The following FAM227B variants were observed in gnomAD, a reference collection of about 807,000 sequenced individuals.
The protein encoded by FAM227B is family with sequence similarity 227 member B.
Under a neutral mutation model 73.8 loss-of-function variants are expected in FAM227B, and 88 were observed. The observed-to-expected ratio is 1.19, with a 90% CI of 1.00 to 1.42. The LOEUF is 1.42. Among genes scored for constraint, FAM227B ranks in the 40% most tolerant of loss-of-function variants. FAM227B has a pLI of 0.00. For missense variants in FAM227B, 632 were observed against 590.9 expected (o/e 1.07, Z -0.72); for synonymous variants, 210 against 190.5 (o/e 1.10, Z -0.84).
chr15:49,401,365 G>A (rs1186718104), intron 11 of FAM227B, among the ~76,000 whole-genome samples: 1 of 152,150 alleles, frequency 6.6e-6, no homozygotes, highest in Non-Finnish European at 1.5e-5. Context: ...GTGCTGGAGA[G>A]GATGTGGAGA....
intron 10 of FAM227B, among the ~76,000 whole-genome samples, chr15:49,515,739 C>T (rs1042648304): frequency 6.6e-5 from 10 of 152,080 alleles, no homozygotes; most frequent in African/African-American, 2.4e-4. Context: ...ACTATTATTC[C>T]AGAAGTGTTT....
intron 13 of FAM227B, chr15:49,366,642 G>A (rs1353538440): frequency 2.2e-5 from 35 of 1,574,368 alleles, no homozygotes; most frequent in Non-Finnish European, 3.0e-5. Flanking sequence ...AAGCCCCAGA[G>A]CAGGGCGGCC....
At chr15:49,619,935 A>G (rs1027661365) in intron 1 of FAM227B, among the ~76,000 whole-genome samples, 2 of 152,194 alleles carry the variant, frequency 1.3e-5, no homozygotes, top group Non-Finnish European at 2.9e-5. Context: ...TAAAAGCTCC[A>G]TAAAGCAGTA....
At chr15:49,477,678 A>T (rs767869550) in intron 11 of FAM227B, among the ~76,000 whole-genome samples, 3 of 152,226 alleles carry the variant, frequency 2.0e-5, no homozygotes, top group Non-Finnish European at 4.4e-5. Flanking sequence ...TTTTCAATTC[A>T]ATTGGGCAAA....
At chr15:49,560,709 T>C (rs1283436421) in intron 9 of FAM227B, among the ~76,000 whole-genome samples, 3 of 152,070 alleles carry the variant, frequency 2.0e-5, no homozygotes, top group African/African-American at 2.4e-5. Flanking sequence ...CCAGAATAGA[T>C]TGGAGGTCTA....
At chr15:49,402,347 T>G (rs2048224926) in intron 11 of FAM227B, among the ~76,000 whole-genome samples, 1 of 152,232 alleles carries the variant, frequency 6.6e-6, no homozygotes, top group African/African-American at 2.4e-5. Flanking sequence ...TCAATGTCAT[T>G]GAATCTATAA....
chr15:49,618,945 C>T (rs776982496), intron 1 of FAM227B, among the ~76,000 whole-genome samples: 6 of 152,120 alleles, frequency 3.9e-5, no homozygotes, highest in Non-Finnish European at 5.9e-5. Flanking sequence ...TCAGGATCCC[C>T]GGCAGTTAAA....
intron 3 of FAM227B, among the ~76,000 whole-genome samples, chr15:49,610,157 G>C (rs973933377): frequency 1.3e-5 from 2 of 151,766 alleles, no homozygotes; most frequent in Middle Eastern, 3.4e-3. Flanking sequence ...TAAAATCCTA[G>C]GTCCTCAAAC....
intron 10 of FAM227B, among the ~76,000 whole-genome samples, chr15:49,523,993 C>A (rs1276340003): frequency 6.7e-6 from 1 of 148,878 alleles, no homozygotes; most frequent in African/African-American, 2.4e-5. Context: ...TAAAAGCATT[C>A]AGTTTTAAAG....
intron 11 of FAM227B, among the ~76,000 whole-genome samples, chr15:49,374,480 C>A (rs2046031871): frequency 6.6e-6 from 1 of 152,108 alleles, no homozygotes; most frequent in Admixed American, 6.6e-5. Flanking sequence ...GTGATCTTAG[C>A]AAATAAAAAA....
intron 13 of FAM227B, among the ~76,000 whole-genome samples, chr15:49,354,965 C>T (rs1214515960): frequency 6.6e-6 from 1 of 151,940 alleles, no homozygotes; most frequent in Non-Finnish European, 1.5e-5. Flanking sequence ...GGGAGGCACC[C>T]CCCAGCAGGG....
chr15:49,548,348 C>T (rs1052765047), intron 9 of FAM227B, among the ~76,000 whole-genome samples: 1 of 152,164 alleles, frequency 6.6e-6, no homozygotes, highest in Non-Finnish European at 1.5e-5. Flanking sequence ...GTTGAACCAT[C>T]CTTCCACTTC....
At chr15:49,430,711 A>T (rs565218193) in intron 11 of FAM227B, among the ~76,000 whole-genome samples, 10 of 151,770 alleles carry the variant, frequency 6.6e-5, no homozygotes, top group Non-Finnish European at 1.2e-4. Context: ...CAGGGCTGAA[A>T]TCATTTTTTC....
chr15:49,476,981 A>G (rs1334512662), intron 11 of FAM227B, among the ~76,000 whole-genome samples: 1 of 151,262 alleles, frequency 6.6e-6, no homozygotes, highest in Non-Finnish European at 1.5e-5. Context: ...AATGGTGCAA[A>G]CCTGGGAGGC....
At chr15:49,403,559 T>A (rs1435717522) in intron 11 of FAM227B, among the ~76,000 whole-genome samples, 1 of 152,196 alleles carries the variant, frequency 6.6e-6, no homozygotes, top group African/African-American at 2.4e-5. Flanking sequence ...CAGAGGTGTT[T>A]ATAGTATTCT....
At chr15:49,582,301 CTG>C (rs1218904169) in intron 5 of FAM227B, among the ~76,000 whole-genome samples, 1 of 151,990 alleles carries the variant, frequency 6.6e-6, no homozygotes, top group Non-Finnish European at 1.5e-5. Flanking sequence ...TACCAAGAAA[CTG>C]AGAAACAGAA....
At chr15:49,353,588 A>G (rs546272528) in intron 13 of FAM227B, 1 of 149,946 alleles carries the variant, frequency 6.7e-6, no homozygotes, top group Non-Finnish European at 1.5e-5. Context: ...TTGACACCCA[A>G]TTTTTGAAGT....
At chr15:49,474,998 AAGAT>A (rs77757878) in intron 11 of FAM227B, among the ~76,000 whole-genome samples, 45,846 of 151,814 alleles carry the variant, frequency 0.3, 7,272 homozygotes, top group East Asian at 0.38. Context: ...CAAACTATAA[AAGAT>A]AGAATAAACT....
At chr15:49,601,900 T>C (rs190054297) in intron 3 of FAM227B, among the ~76,000 whole-genome samples, 13 of 152,344 alleles carry the variant, frequency 8.5e-5, no homozygotes, top group East Asian at 7.7e-4. Flanking sequence ...GCAATGTTTG[T>C]CTTTCTGTGC....
Sources: gnomAD v4.1 joint callset for allele counts (sites outside exome capture counted in the v4.1 genomes callset) on GRCh38, gnomAD v4.1.1 for gene constraint, MANE v1.5 for transcripts, NCBI Gene and HGNC (gene_info 2026-07-23, HGNC 2026-07-21) for gene names.